PTPRD: variants seen among roughly 807,000 people sequenced by gnomAD.
PTPRD encodes protein tyrosine phosphatase receptor type D, also known as receptor-type tyrosine-protein phosphatase delta.
Under a neutral mutation model 214.5 loss-of-function variants are expected in PTPRD, and 34 were observed. The observed-to-expected ratio is 0.16, with a 90% CI of 0.12 to 0.21. The LOEUF (loss-of-function observed/expected upper bound fraction) is 0.21. PTPRD is among the 10% of genes least tolerant of loss of function. The probability of loss-of-function intolerance (pLI) is 1.00; values close to 1 mark genes in which losing one functional copy is unlikely to be tolerated. For missense variants in PTPRD, 2,545 were observed against 2,398.7 expected (o/e 1.06, Z -1.27); for synonymous variants, 1,128 against 845.7 (o/e 1.33, Z -5.79).
intron 39 of PTPRD, among the ~76,000 whole-genome samples, chr9:8,362,017 C>T (rs77974281): frequency 0.072 from 11,020 of 152,188 alleles, 1,171 homozygotes; most frequent in African/African-American, 0.23. Flanking sequence ...ATGAGATTGC[C>T]CATGCAGAAA....
At chr9:9,104,541 T>C (rs1245559400) in intron 10 of PTPRD, among the ~76,000 whole-genome samples, 1 of 152,182 alleles carries the variant, frequency 6.6e-6, no homozygotes, top group African/African-American at 2.4e-5. Context: ...TTTCCAAAGA[T>C]ACTCAAGCCC....
chr9:9,906,772 G>A (rs1298283237), intron 5 of PTPRD, among the ~76,000 whole-genome samples: 3 of 151,900 alleles, frequency 2.0e-5, no homozygotes, highest in Non-Finnish European at 4.4e-5. Flanking sequence ...TGTACATGGA[G>A]TTTTTTGTTA....
At chr9:10,463,273 G>A (rs564359806) in intron 2 of PTPRD, among the ~76,000 whole-genome samples, 1 of 152,170 alleles carries the variant, frequency 6.6e-6, no homozygotes, top group South Asian at 2.1e-4. Flanking sequence ...TATTTGAGAA[G>A]TGATTGGGAG....
intron 9 of PTPRD, among the ~76,000 whole-genome samples, chr9:9,242,585 T>C (rs1204731976): frequency 1.3e-5 from 2 of 152,158 alleles, no homozygotes; most frequent in Non-Finnish European, 2.9e-5. Flanking sequence ...CTTCATTTCA[T>C]TCATTTGATC....
intron 4 of PTPRD, among the ~76,000 whole-genome samples, chr9:9,940,374 A>G (rs1035542509): frequency 1.3e-5 from 2 of 152,112 alleles, no homozygotes; most frequent in African/African-American, 4.8e-5. Flanking sequence ...GAGCCTGTCA[A>G]TGAACTCCAT....
rs930246076 is a variant in PTPRD, at chr9:8,376,019, T to C, written c.4578A>G (p.Glu1526=). The change falls in exon 39 of 46, where the codon GAA becomes GAG. Residue 1526 remains glutamate (E), a synonymous_variant. Transcript: ENST00000381196. ...FTAWPDHGVP[E]HPTPFLAFLR... Reference sequence around the variant, plus strand: ...AGAAAGCTAGAAAAGGTGTAGGGTGTTCTGGAACACCATGATCAGGCCAGG... The same window carrying C: ...AGAAAGCTAGAAAAGGTGTAGGGTGCTCTGGAACACCATGATCAGGCCAGG... 2 of 1,613,028 alleles carry C rather than the reference T, an allele frequency of 1.2e-6. No individual in the cohort carries two copies. The highest frequency in any genetic ancestry group is 1.3e-5 in the African/African-American group (1 of 74,928).
intron 4 of PTPRD, among the ~76,000 whole-genome samples, chr9:9,980,390 C>T (rs1460241603): frequency 1.3e-5 from 2 of 151,546 alleles, no homozygotes; most frequent in Non-Finnish European, 2.9e-5. Context: ...GGCGGATCAC[C>T]TGAGGTCAGG....
At chr9:10,383,428 T>C (rs1219538875) in intron 2 of PTPRD, among the ~76,000 whole-genome samples, 1 of 151,870 alleles carries the variant, frequency 6.6e-6, no homozygotes, top group East Asian at 1.9e-4. Context: ...CTATATGTCA[T>C]GCTTCCTTTG....
At chr9:8,486,563 G>A (rs748768683) in intron 27 of PTPRD, 2 of 687,444 alleles carry the variant, frequency 2.9e-6, no homozygotes, top group Non-Finnish European at 5.3e-6. Flanking sequence ...ATTTGATAAT[G>A]GACACAAAAC....
At chr9:9,318,366 C>G (rs959456818) in intron 9 of PTPRD, among the ~76,000 whole-genome samples, 2 of 152,026 alleles carry the variant, frequency 1.3e-5, no homozygotes, top group African/African-American at 4.8e-5. Flanking sequence ...TTTGTAATAT[C>G]TGAATTGACT....
chr9:9,824,607 T>A (rs1392865266), intron 5 of PTPRD, among the ~76,000 whole-genome samples: 1 of 152,048 alleles, frequency 6.6e-6, no homozygotes, highest in Non-Finnish European at 1.5e-5. Context: ...GTATGAGACC[T>A]AGTCTTTCTT....
intron 5 of PTPRD, among the ~76,000 whole-genome samples, chr9:9,896,802 G>A (rs1243550858): frequency 1.3e-5 from 2 of 151,916 alleles, no homozygotes; most frequent in Non-Finnish European, 2.9e-5. Context: ...ATGTAAAAAT[G>A]ACCTCAGTTG....
At chr9:10,135,759 C>T (rs2098938121) in intron 3 of PTPRD, among the ~76,000 whole-genome samples, 4 of 151,836 alleles carry the variant, frequency 2.6e-5, no homozygotes, top group Admixed American at 2.0e-4. Flanking sequence ...AGAACAGTGC[C>T]TGCTATCATG....
intron 10 of PTPRD, among the ~76,000 whole-genome samples, chr9:9,078,027 T>C (rs1267059528): frequency 6.6e-6 from 1 of 152,084 alleles, no homozygotes; most frequent in Admixed American, 6.6e-5. Flanking sequence ...TAGATTTCTA[T>C]ACAGATATTT....
At chr9:8,612,595 A>G (rs1436746945) in intron 14 of PTPRD, among the ~76,000 whole-genome samples, 2 of 152,238 alleles carry the variant, frequency 1.3e-5, no homozygotes, top group Non-Finnish European at 2.9e-5. Context: ...AGACAGAAGA[A>G]TAAGTTAATG....
chr9:10,484,104 T>G (rs566161703), intron 2 of PTPRD, among the ~76,000 whole-genome samples: 1 of 152,040 alleles, frequency 6.6e-6, no homozygotes, highest in African/African-American at 2.4e-5. Flanking sequence ...CACCATGGAA[T>G]ACTGCTTGGT....
At chr9:9,306,816 AT>A (rs1187003030) in intron 9 of PTPRD, among the ~76,000 whole-genome samples, 3 of 152,104 alleles carry the variant, frequency 2.0e-5, no homozygotes, top group Admixed American at 2.0e-4. Context: ...GAAGTATTCC[AT>A]TTTACTATTA....
chr9:10,126,492 G>C (rs2098821019), intron 3 of PTPRD, among the ~76,000 whole-genome samples: 1 of 147,806 alleles, frequency 6.8e-6, no homozygotes, highest in Non-Finnish European at 1.5e-5. Flanking sequence ...AAACTCTCCT[G>C]GCCACCTAAA....
At chr9:10,175,115 T>A (rs1171335289) in intron 3 of PTPRD, among the ~76,000 whole-genome samples, 2 of 152,060 alleles carry the variant, frequency 1.3e-5, no homozygotes, top group African/African-American at 2.4e-5. Context: ...TTAAGAGAGA[T>A]AAGAACTACT....
Sources: gnomAD v4.1 joint callset for allele counts (sites outside exome capture counted in the v4.1 genomes callset) on GRCh38, gnomAD v4.1.1 for gene constraint, MANE v1.5 for transcripts, NCBI Gene and HGNC (gene_info 2026-07-23, HGNC 2026-07-21) for gene names.